The following MGMT variants were observed in gnomAD, a reference collection of about 807,000 sequenced individuals.
MGMT encodes methylated-DNA--protein-cysteine methyltransferase.
A neutral mutation model predicts 15.9 loss-of-function variants in MGMT; 14 were observed. That is an observed-to-expected ratio of 0.88 (90% CI 0.58 to 1.37). The LOEUF is 1.37. MGMT is among the 40% of genes most tolerant of loss of function. The pLI, the probability that MGMT is intolerant of heterozygous loss-of-function variation, is 0.00. For missense variants in MGMT, 282 were observed against 268.1 expected (o/e 1.05, Z -0.36); for synonymous variants, 130 against 118.2 (o/e 1.10, Z -0.65).
intron 2 of MGMT, among the ~76,000 whole-genome samples, chr10:129,582,778 G>A (rs2133047951): frequency 6.6e-6 from 1 of 152,238 alleles, no homozygotes; most frequent in Admixed American, 6.5e-5. Flanking sequence ...TAGTGAAAAG[G>A]TGGCTCTGAG....
At chr10:129,750,055 C>G (rs900596995) in intron 3 of MGMT, among the ~76,000 whole-genome samples, 1 of 152,002 alleles carries the variant, frequency 6.6e-6, no homozygotes. Flanking sequence ...CATATATCTT[C>G]TCCTAGTCTG....
At chr10:129,599,091 C>T (rs1018425866) in intron 2 of MGMT, among the ~76,000 whole-genome samples, 2 of 152,158 alleles carry the variant, frequency 1.3e-5, no homozygotes, top group African/African-American at 4.8e-5. Flanking sequence ...ATCGAGCAGC[C>T]TCCCAAAGCC....
rs181258979 is a variant in MGMT at position 129,716,736 on chromosome 10, C to A, written c.274+8693C>A. ...AAGAGCAGCTGATATTAAAGGCTAT[C>A]CCTAGAAGGCTGTAGAAACTGTACC... On this transcript the variant is annotated intron_variant, in intron 3 of 4. Transcript: ENST00000651593. Among the ~76,000 whole-genome samples the A allele has an allele frequency of 5.3e-5, 8 of 152,300 alleles. No individual in the cohort carries two copies. In the East Asian group the frequency reaches 1.5e-3, roughly 29 times the overall value.
intron 3 of MGMT, among the ~76,000 whole-genome samples, chr10:129,740,276 G>C (rs964105298): frequency 1.3e-5 from 2 of 152,104 alleles, no homozygotes; most frequent in Non-Finnish European, 2.9e-5. Flanking sequence ...GGCCCTGGGT[G>C]CCTGGGCCTG....
At chr10:129,597,021 T>G (rs1444008245) in intron 2 of MGMT, among the ~76,000 whole-genome samples, 4 of 152,196 alleles carry the variant, frequency 2.6e-5, no homozygotes, top group Non-Finnish European at 5.9e-5. Context: ...GAGTTTTCCC[T>G]AAATCCTCAT....
At chr10:129,591,016 G>A (rs1289764349) in intron 2 of MGMT, among the ~76,000 whole-genome samples, 2 of 152,196 alleles carry the variant, frequency 1.3e-5, no homozygotes, top group Non-Finnish European at 2.9e-5. Context: ...GGGAATAAGC[G>A]ATGAGTTGGC....
At chr10:129,743,127 G>C (rs1484871270) in intron 3 of MGMT, among the ~76,000 whole-genome samples, 1 of 152,140 alleles carries the variant, frequency 6.6e-6, no homozygotes, top group Admixed American at 6.5e-5. Flanking sequence ...GAGCGGGGCG[G>C]GTCGTTACTG....
At chr10:129,638,439 A>AAAAAAAAAAAAAAAAAAAAAAAAAAAC (rs1847288363) in intron 2 of MGMT, among the ~76,000 whole-genome samples, 1 of 121,294 alleles carries the variant, frequency 8.2e-6, no homozygotes, top group African/African-American at 2.9e-5. Context: ...CAAAAAAAAA[A>AAAAAAAAAAAAAAAAAAAAAAAAAAAC]AAAAAAGAAA....
At chr10:129,667,578 T>A (rs920518462) in intron 2 of MGMT, among the ~76,000 whole-genome samples, 1 of 152,182 alleles carries the variant, frequency 6.6e-6, no homozygotes, top group Non-Finnish European at 1.5e-5. Flanking sequence ...TGCCCCTGCC[T>A]GTGGTCATTC....
At chr10:129,635,565 T>G (rs747768587) in intron 2 of MGMT, among the ~76,000 whole-genome samples, 9 of 152,262 alleles carry the variant, frequency 5.9e-5, no homozygotes, top group Non-Finnish European at 1.0e-4. Context: ...TGTCTCTTAC[T>G]TATTTTATCT....
At chr10:129,634,368 T>C (rs965013234) in intron 2 of MGMT, among the ~76,000 whole-genome samples, 3 of 152,234 alleles carry the variant, frequency 2.0e-5, no homozygotes, top group South Asian at 2.1e-4. Flanking sequence ...ATCTTGTATC[T>C]GTGCATTTGC....
chr10:129,478,286 T>A (rs1284687736), intron 1 of MGMT, among the ~76,000 whole-genome samples: 2 of 152,188 alleles, frequency 1.3e-5, no homozygotes, highest in Non-Finnish European at 2.9e-5. Flanking sequence ...CCAGCCTGGT[T>A]CAAAGGACAG....
In MGMT at chr10:129,769,656, C is replaced by G. The variant is rs934353912; in HGVS notation, c.*2659C>G. ...CCACACTTGTGGCAAAATAAGTTGC[C>G]TTTGGCCACGCAGGAGACTGAGTTT... On this transcript the variant is annotated 3_prime_UTR_variant, in exon 5 of 5. Transcript: ENST00000651593. Among the ~76,000 whole-genome samples the G allele has an allele frequency of 6.6e-6, 1 of 152,150 alleles. No homozygotes were observed. Among genetic ancestry groups the G allele is most frequent in the Non-Finnish European group, 1.5e-5 (1 of 68,024 alleles).
At chr10:129,613,282 G>A (rs192465189) in intron 2 of MGMT, among the ~76,000 whole-genome samples, 1 of 152,354 alleles carries the variant, frequency 6.6e-6, no homozygotes, top group Non-Finnish European at 1.5e-5. Context: ...AGAGATGCAA[G>A]TGCTCTTTGC....
intron 1 of MGMT, among the ~76,000 whole-genome samples, chr10:129,517,527 G>A (rs577092878): frequency 1.1e-4 from 16 of 152,284 alleles, no homozygotes; most frequent in African/African-American, 3.4e-4. Context: ...GTGCTGGATC[G>A]CCAGTCTGCT....
At chr10:129,643,269 C>A (rs1187922871) in intron 2 of MGMT, among the ~76,000 whole-genome samples, 1 of 152,128 alleles carries the variant, frequency 6.6e-6, no homozygotes, top group Admixed American at 6.5e-5. Context: ...GATTAGAGAT[C>A]TACAAGAGAA....
intron 2 of MGMT, among the ~76,000 whole-genome samples, chr10:129,678,444 C>A (rs926968949): frequency 3.9e-5 from 6 of 152,080 alleles, no homozygotes; most frequent in African/African-American, 1.4e-4. Flanking sequence ...GACTCCCTGC[C>A]GCATTTTGCC....
chr10:129,715,735 G>A (rs567178757), intron 3 of MGMT: 4 of 152,318 alleles, frequency 2.6e-5, no homozygotes, highest in African/African-American at 9.6e-5. Flanking sequence ...TACGTTAAAT[G>A]TGTAAATATT....
At chr10:129,747,622 T>C (rs182393447) in intron 3 of MGMT, among the ~76,000 whole-genome samples, 16 of 152,340 alleles carry the variant, frequency 1.1e-4, no homozygotes, top group Middle Eastern at 3.4e-3. Context: ...ACACTTGACA[T>C]CTTACATTAG....
Sources: gnomAD v4.1 joint callset for allele counts (sites outside exome capture counted in the v4.1 genomes callset) on GRCh38, gnomAD v4.1.1 for gene constraint, MANE v1.5 for transcripts, NCBI Gene and HGNC (gene_info 2026-07-23, HGNC 2026-07-21) for gene names.